The following WDR33 variants were observed in gnomAD, a reference collection of about 807,000 sequenced individuals.
WDR33 encodes pre-mRNA 3' end processing protein WDR33.
A neutral mutation model predicts 164.9 loss-of-function variants in WDR33; 47 were observed. The observed-to-expected ratio is 0.29, with a 90% CI of 0.23 to 0.36. The LOEUF is 0.36. Ranked by LOEUF, WDR33 falls within the 10% of genes least tolerant of loss-of-function variation. The pLI, the probability that WDR33 is intolerant of heterozygous loss-of-function variation, is 1.00. For synonymous variants in WDR33, 505 were observed against 589.0 expected (o/e 0.86, Z 2.06); for missense variants, 1,137 against 1,754.1 (o/e 0.65, Z 6.28).
intron 7 of WDR33, chr2:127,737,041 A>C: frequency 1.0e-6 from 1 of 985,434 alleles, no homozygotes; most frequent in Non-Finnish European, 1.2e-6. Context: ...TATATTCTTC[A>C]GTTATAATAA....
chr2:127,778,405 C>A (rs551716002), intron 1 of WDR33, among the ~76,000 whole-genome samples: 1 of 150,220 alleles, frequency 6.7e-6, no homozygotes, highest in African/African-American at 2.5e-5. Context: ...CCACTGAACT[C>A]TAGCCTGGGC....
chr2:127,761,646 T>C (rs1005484740), intron 7 of WDR33, among the ~76,000 whole-genome samples: 13 of 152,200 alleles, frequency 8.5e-5, no homozygotes, highest in Admixed American at 6.5e-5. Flanking sequence ...GGCATTAGGC[T>C]GGGAGTCAAA....
chr2:127,773,947 A>C (rs2105449023), intron 1 of WDR33, among the ~76,000 whole-genome samples: 1 of 150,584 alleles, frequency 6.6e-6, no homozygotes, highest in East Asian at 2.0e-4. Flanking sequence ...TTTGTATTTT[A>C]GTAGGCTGGT....
rs1344823135 is a variant in WDR33 at position 127,703,867 on chromosome 2, C to T, written c.*2456G>A. 6.0e-6 allele frequency: 1 copy of T among 166,536 alleles called. No homozygotes were observed. The highest frequency in any genetic ancestry group is 2.4e-5 in the African/African-American group (1 of 41,416). 10.3% of individuals were successfully genotyped at this position (166,536 alleles called of 1,614,324 possible). On this transcript the variant is annotated 3_prime_UTR_variant, in exon 22 of 22. Coordinates refer to ENST00000322313, the MANE Select transcript of WDR33 (RefSeq NM_018383.5). ...AGCTGGTGGCTCACACCTGTAATCC[C>T]AGCATTTTGGGAGGCCAAGGCGGGA...
intron 7 of WDR33, among the ~76,000 whole-genome samples, chr2:127,757,795 T>G (rs1014155285): frequency 2.0e-5 from 3 of 152,230 alleles, no homozygotes; most frequent in Non-Finnish European, 4.4e-5. Flanking sequence ...GCACCCATTT[T>G]TTGGAACATT....
In WDR33 at chr2:127,738,896, T is replaced by G. The variant is rs1686935534; in HGVS notation, c.725-12119A>C. ...GGAGAATGGAACAAAATCTTGAAAG[T>G]GCTGAAATAGGGGGAAAAGTTTTGA... On this transcript the variant is annotated intron_variant, in intron 7 of 21. Coordinates refer to ENST00000322313, the MANE Select transcript of WDR33 (RefSeq NM_018383.5). This position sits in a 1 kb window ranked among gnomAD's most constrained non-coding sequence, Gnocchi z 4.4. Among the ~76,000 whole-genome samples the G allele has an allele frequency of 6.6e-6, 1 of 152,130 alleles. No individual in the cohort carries two copies. Among genetic ancestry groups the G allele is most frequent in the Non-Finnish European group, 1.5e-5 (1 of 68,028 alleles).
At position 127,714,899 on chromosome 2, in the gene WDR33, A is replaced by T. The variant is rs1686261411; in HGVS notation, c.2870-878T>A. On this transcript the variant is annotated intron_variant, in intron 17 of 21. Coordinates refer to ENST00000322313, the MANE Select transcript of WDR33 (RefSeq NM_018383.5). This position sits in a 1 kb window ranked among gnomAD's most constrained non-coding sequence, Gnocchi z 4.3. ...AATCAAACACTTTTTAAAAGTAGGTAGCGAAAGGATACTCTTGATTCTAAA... is the reference window on the plus strand; with the variant it reads ...AATCAAACACTTTTTAAAAGTAGGTTGCGAAAGGATACTCTTGATTCTAAA... Among the ~76,000 whole-genome samples the T allele has an allele frequency of 2.6e-5, 4 of 152,166 alleles. No homozygotes were observed. In the South Asian group the frequency reaches 6.2e-4, roughly 24 times the overall value.
Position 127,719,556 on chromosome 2 carries a change from G to C in WDR33, c.2469C>G (p.Gly823=). 1.9e-6 allele frequency: 3 copies of C among 1,613,826 alleles called. No individual in the cohort carries two copies. Among genetic ancestry groups the C allele is most frequent in the Middle Eastern group, 1.7e-4 (1 of 6,042 alleles). The change falls in exon 16 of 22, where the codon GGC becomes GGG. Residue 823 remains glycine, a synonymous_variant. Transcript: ENST00000322313. This position sits in a 1 kb window ranked among gnomAD's most constrained non-coding sequence, Gnocchi z 6.5. ...CCTGAGGACCTCTCATTTCCTGAGG[G>C]CCGTGTCCCAGTAGTCCACCTGGAG... The part of the protein sequence containing the change: ...PHPPGGLLGH[G]PQEMRGPQEI...
chr2:127,784,311 G>A (rs1043246227), intron 1 of WDR33, among the ~76,000 whole-genome samples: 2 of 152,164 alleles, frequency 1.3e-5, no homozygotes, highest in Non-Finnish European at 2.9e-5. Context: ...GATATTCTAT[G>A]ATACTCTTTC....
rs1686442346 is a variant in WDR33, at chr2:127,721,713, A to G, written c.1671+123T>C. ...ACTAGTCTTCTAGCATAGCAACAGG[A>G]AATGGCGGTGTTTGTCAGACCATGG... On this transcript the variant is annotated intron_variant, in intron 15 of 21. Coordinates refer to ENST00000322313, the MANE Select transcript of WDR33 (RefSeq NM_018383.5). This position sits in a 1 kb window ranked among gnomAD's most constrained non-coding sequence, Gnocchi z 4.9. 1 of 1,025,718 alleles carries G rather than the reference A, an allele frequency of 9.7e-7. No homozygotes were observed. The highest frequency in any genetic ancestry group is 2.8e-5 in the East Asian group (1 of 36,240). The allele number at this position is 1,025,718 out of a possible 1,614,324, so 63.5% of individuals were successfully genotyped here. A position where few individuals can be genotyped will look rare whatever the true frequency, so the allele number is the denominator to read the frequency against.
intron 1 of WDR33, among the ~76,000 whole-genome samples, chr2:127,801,641 G>A (rs1399889856): frequency 6.6e-6 from 1 of 152,028 alleles, no homozygotes; most frequent in African/African-American, 2.4e-5. Flanking sequence ...TCAGGACTTT[G>A]TGGAGCGGAG....
chr2:127,736,259 TCAG>T, intron 7 of WDR33: 2 of 985,410 alleles, frequency 2.0e-6, no homozygotes, highest in Non-Finnish European at 2.4e-6. Context: ...GAACCTGAAT[TCAG>T]CAGAATGGAC....
Position 127,717,358 on chromosome 2 carries a change from G to T in WDR33, c.2761-95C>A. The T allele has an allele frequency of 9.8e-7, 1 of 1,016,666 alleles. No homozygotes were observed. The highest frequency in any genetic ancestry group is 1.4e-6 in the Non-Finnish European group (1 of 729,056). The allele number at this position is 1,016,666 out of a possible 1,614,324, so 63.0% of individuals were successfully genotyped here. A position where few individuals can be genotyped will look rare whatever the true frequency, so the allele number is the denominator to read the frequency against. On this transcript the variant is annotated intron_variant, in intron 16 of 21. Coordinates refer to ENST00000322313, the MANE Select transcript of WDR33 (RefSeq NM_018383.5). The surrounding 1 kb of genome is among the most constrained non-coding windows in gnomAD (Gnocchi z 5.6). ...TAACATGACAAGATAAAAATACCCA[G>T]TAAATATTTACCTAGTAAGATTACA...
chr2:127,754,941 G>C (rs967010155), intron 7 of WDR33, among the ~76,000 whole-genome samples: 2 of 152,022 alleles, frequency 1.3e-5, no homozygotes, highest in African/African-American at 2.4e-5. Context: ...ATGATTTCCA[G>C]ACCATTCTCC....
rs1686343256 is a variant in WDR33 at position 127,718,239 on chromosome 2, G to C, written c.2761-976C>G. Among the ~76,000 whole-genome samples, 2 of 152,028 alleles carry C rather than the reference G, an allele frequency of 1.3e-5. 1 individual carries two copies. Among genetic ancestry groups the C allele is most frequent in the South Asian group, 4.1e-4 (2 of 4,820 alleles). On this transcript the variant is annotated intron_variant, in intron 16 of 21. Transcript: ENST00000322313. The surrounding 1 kb of genome is among the most constrained non-coding windows in gnomAD (Gnocchi z 4.4). ...GGTCATCTTTACATTAGGGATTCGT[G>C]GTGGTATTTGAAAAACCAAAACAGA...
chr2:127,764,862 A>G lies in WDR33; in HGVS notation c.592T>C (p.Phe198Leu). The change falls in exon 6 of 22, where the codon TTC becomes CTC. Residue 198 changes from phenylalanine to leucine, a missense_variant. Phe to Leu is a conservative substitution (Grantham distance 22). Transcript: ENST00000322313. The surrounding 1 kb of genome is among the most constrained non-coding windows in gnomAD (Gnocchi z 6.2). ...WQSNMNNVKM[F>L]QAHKEAIREA... ...CTAATCGCCTCCTTATGTGCCTGGA[A>G]CATCTTGACGTTGTTCATGTTCGAC... The G allele has an allele frequency of 6.2e-7, 1 of 1,614,196 alleles. No homozygotes were observed. Among genetic ancestry groups the G allele is most frequent in the Non-Finnish European group, 8.5e-7 (1 of 1,180,032 alleles).
chr2:127,709,458 A>C lies in WDR33; in HGVS notation c.3565+32T>G. 5.9e-5 allele frequency: 94 copies of C among 1,602,586 alleles called. No homozygotes were observed. Among genetic ancestry groups the C allele is most frequent in the Non-Finnish European group, 7.4e-5 (87 of 1,169,712 alleles). On this transcript the variant is annotated intron_variant, in intron 20 of 21. Transcript: ENST00000322313. The surrounding 1 kb of genome is among the most constrained non-coding windows in gnomAD (Gnocchi z 5.0). Reference sequence around the variant, plus strand: ...GAACTCACTTTGTGAACTGCAGTCTAGAGTTACCCAACAAGCGGTTCTTTT... The same window carrying C: ...GAACTCACTTTGTGAACTGCAGTCTCGAGTTACCCAACAAGCGGTTCTTTT...
intron 7 of WDR33, among the ~76,000 whole-genome samples, chr2:127,750,714 GTA>G (rs1558937021): frequency 2.4e-4 from 8 of 33,326 alleles, no homozygotes; most frequent in African/African-American, 8.5e-4. Flanking sequence ...ATATATATAT[GTA>G]TGTATGCATA....
intron 1 of WDR33, among the ~76,000 whole-genome samples, chr2:127,789,930 G>C (rs1294686430): frequency 1.3e-5 from 2 of 152,070 alleles, no homozygotes; most frequent in Non-Finnish European, 2.9e-5. Flanking sequence ...CCGCCTCCCA[G>C]GCTCAAGCAA....
Sources: allele counts gnomAD v4.1 joint callset (sites outside exome capture counted in the v4.1 genomes callset), GRCh38; gene constraint gnomAD v4.1.1; non-coding constraint Gnocchi (gnomAD v3.1); transcripts MANE v1.5; gene names NCBI Gene and HGNC (gene_info 2026-07-23, HGNC 2026-07-21).